Variants in C2orf78 observed in about 807,000 individuals in gnomAD.
The protein encoded by C2orf78 is chromosome 2 open reading frame 78, also known as uncharacterized protein C2orf78.
Under a neutral mutation model 21.4 loss-of-function variants are expected in C2orf78, and 12 were observed. The ratio of observed to expected loss-of-function variants is 0.56; its 90% CI spans 0.36 to 0.91. C2orf78 has a LOEUF of 0.91. Among genes scored for constraint, C2orf78 ranks in the 40% least tolerant of loss-of-function variants. The pLI, the probability that C2orf78 is intolerant of heterozygous loss-of-function variation, is 0.01. For missense variants in C2orf78, 1,042 were observed against 1,092.4 expected (o/e 0.95, Z 0.65); for synonymous variants, 396 against 413.9 (o/e 0.96, Z 0.52).
chr2:73,811,551 G>C (rs1350597249), intron 1 of C2orf78, among the ~76,000 whole-genome samples: 2 of 152,136 alleles, frequency 1.3e-5, no homozygotes, highest in East Asian at 3.8e-4. Flanking sequence ...CAAAAACAGA[G>C]TACCTACTGA....
At chr2:73,813,971 G>A in exon 2 of C2orf78, 1 of 1,613,968 alleles carries the variant, frequency 6.2e-7, no homozygotes, top group East Asian at 2.2e-5. Context: ...AAATCAGCAG[G>A]GCCATAACCT....
chr2:73,810,687 T>G (rs1186011694), intron 1 of C2orf78, among the ~76,000 whole-genome samples: 1 of 132,850 alleles, frequency 7.5e-6, no homozygotes, highest in South Asian at 2.1e-4. Flanking sequence ...AAAATATACA[T>G]ATATATTTTA....
chr2:73,810,925 TATATA>T (rs1278791208), intron 1 of C2orf78, among the ~76,000 whole-genome samples: 3 of 142,436 alleles, frequency 2.1e-5, no homozygotes, highest in Admixed American at 1.5e-4. Context: ...ATATGTATAT[TATATA>T]ATATAAATGT....
chr2:73,809,520 C>G (rs1392155489), intron 1 of C2orf78, among the ~76,000 whole-genome samples: 1 of 151,920 alleles, frequency 6.6e-6, no homozygotes, highest in African/African-American at 2.4e-5. Flanking sequence ...CGTGGTAGCT[C>G]ATGCCTGCAA....
At chr2:73,808,144 C>T (rs1209748602) in intron 1 of C2orf78, among the ~76,000 whole-genome samples, 1 of 150,956 alleles carries the variant, frequency 6.6e-6, no homozygotes, top group Admixed American at 6.6e-5. Flanking sequence ...GTCCCAGCTA[C>T]TAAGGAGTCT....
exon 3 of C2orf78, chr2:73,815,840 T>A (rs762362772): frequency 4.3e-6 from 7 of 1,613,576 alleles, no homozygotes; most frequent in Non-Finnish European, 5.9e-6. Context: ...CTACAGTCAG[T>A]AACAGCGCTT....
chr2:73,785,675 T>A (rs977309685), intron 1 of C2orf78, among the ~76,000 whole-genome samples: 27 of 152,136 alleles, frequency 1.8e-4, no homozygotes, highest in African/African-American at 5.3e-4. Context: ...TTATCAGAAG[T>A]CATATTCAGT....
chr2:73,808,116 A>T (rs1243497807), intron 1 of C2orf78, among the ~76,000 whole-genome samples: 3 of 150,884 alleles, frequency 2.0e-5, no homozygotes, highest in Non-Finnish European at 4.4e-5. Context: ...TAGCCGGCTG[A>T]AGTGGCAGGC....
chr2:73,807,135 C>T (rs1478321837), intron 1 of C2orf78, among the ~76,000 whole-genome samples: 1 of 137,490 alleles, frequency 7.3e-6, no homozygotes, highest in Non-Finnish European at 1.5e-5. Context: ...TAGCAGAGAT[C>T]GGCCACTGCC....
At chr2:73,816,738 C>G (rs745480372) in exon 3 of C2orf78, 5 of 1,614,002 alleles carry the variant, frequency 3.1e-6, no homozygotes, top group Non-Finnish European at 4.2e-6. Flanking sequence ...CCGGTCACTG[C>G]CCAAGCCTCA....
intron 1 of C2orf78, 78 bp downstream of exon 1, chr2:73,784,484 C>T (rs1672884410): frequency 1.8e-6 from 1 of 554,990 alleles, no homozygotes; most frequent in Admixed American, 3.1e-5. Context: ...CCCCTATATT[C>T]CCAAACAGCT....
At chr2:73,807,056 C>T (rs1672972905) in intron 1 of C2orf78, among the ~76,000 whole-genome samples, 1 of 144,536 alleles carries the variant, frequency 6.9e-6, no homozygotes, top group South Asian at 2.2e-4. Context: ...TGGCGAGTAC[C>T]TGTAATCCCA....
At chr2:73,785,687 A>G (rs1383528460) in intron 1 of C2orf78, among the ~76,000 whole-genome samples, 1 of 152,062 alleles carries the variant, frequency 6.6e-6, no homozygotes, top group Non-Finnish European at 1.5e-5. Flanking sequence ...ATATTCAGTC[A>G]CTTTTTTCTG....
At chr2:73,816,300 A>G (rs367617923) in exon 3 of C2orf78, 1 of 1,613,916 alleles carries the variant, frequency 6.2e-7, no homozygotes, top group Non-Finnish European at 8.5e-7. Flanking sequence ...CAAGGCCCAG[A>G]AACTAGATGG....
intron 2 of C2orf78, among the ~76,000 whole-genome samples, chr2:73,814,734 A>T (rs1673159067): frequency 6.6e-6 from 1 of 152,212 alleles, no homozygotes; most frequent in Non-Finnish European, 1.5e-5. Flanking sequence ...CATGGTGTAA[A>T]CTGTTCTTAT....
At chr2:73,784,566 G>A (rs1321221777) in intron 1 of C2orf78, among the ~76,000 whole-genome samples, 160 bp downstream of exon 1, 1 of 151,358 alleles carries the variant, frequency 6.6e-6, no homozygotes, top group African/African-American at 2.5e-5. Flanking sequence ...ACATTTACTA[G>A]CTGTGTGACT....
intron 1 of C2orf78, among the ~76,000 whole-genome samples, chr2:73,813,005 A>G (rs567653673): frequency 2.8e-4 from 42 of 152,322 alleles, no homozygotes; most frequent in Admixed American, 1.0e-3. Flanking sequence ...GACTCCTGGC[A>G]AGGAAGTCAG....
intron 1 of C2orf78, among the ~76,000 whole-genome samples, chr2:73,807,912 C>A (rs1305277914): frequency 6.6e-6 from 1 of 150,790 alleles, no homozygotes. Context: ...ACAAACTTTG[C>A]TGTTCAAGTT....
At chr2:73,814,151 G>A in exon 2 of C2orf78, 6 of 1,610,874 alleles carry the variant, frequency 3.7e-6, no homozygotes, top group Non-Finnish European at 5.1e-6. Context: ...GCCCACAAAT[G>A]TCCTACCACC....
Sources: gnomAD v4.1 joint callset for allele counts (sites outside exome capture counted in the v4.1 genomes callset) on GRCh38, gnomAD v4.1.1 for gene constraint, MANE v1.5 for transcripts, NCBI Gene and HGNC (gene_info 2026-07-23, HGNC 2026-07-21) for gene names.